PEBP4: variants seen among roughly 807,000 people sequenced by gnomAD.
The protein encoded by PEBP4 is phosphatidylethanolamine binding protein 4, also known as phosphatidylethanolamine-binding protein 4.
PEBP4 carries 22 observed loss-of-function variants against 23.9 expected under a neutral mutation model. The ratio of observed to expected loss-of-function variants is 0.92; its 90% CI spans 0.66 to 1.31. PEBP4 has a LOEUF of 1.31. Ranked by LOEUF, PEBP4 falls within the 40% of genes most tolerant of loss-of-function variation. The pLI is 0.00. For missense variants in PEBP4, 324 were observed against 281.7 expected (o/e 1.15, Z -1.07); for synonymous variants, 112 against 99.3 (o/e 1.13, Z -0.76).
At chr8:22,778,841 G>A (rs558892713) in intron 4 of PEBP4, among the ~76,000 whole-genome samples, 9 of 152,168 alleles carry the variant, frequency 5.9e-5, no homozygotes, top group Non-Finnish European at 1.3e-4. Flanking sequence ...ATTTTTCGGG[G>A]TAAGTAAAGT....
At chr8:22,785,595 G>T (rs1806011751) in intron 4 of PEBP4, among the ~76,000 whole-genome samples, 1 of 152,244 alleles carries the variant, frequency 6.6e-6, no homozygotes, top group African/African-American at 2.4e-5. Flanking sequence ...CAAGCCCAGA[G>T]AGGGAGGCAG....
At chr8:22,722,905 T>C (rs1392436580) in intron 6 of PEBP4, among the ~76,000 whole-genome samples, 1 of 151,716 alleles carries the variant, frequency 6.6e-6, no homozygotes, top group African/African-American at 2.4e-5. Context: ...CCGGAGTAGC[T>C]GGGACTATAG....
intron 4 of PEBP4, among the ~76,000 whole-genome samples, chr8:22,743,920 C>T (rs1805054284): frequency 6.6e-6 from 1 of 152,178 alleles, no homozygotes; most frequent in African/African-American, 2.4e-5. Context: ...CTTGTGAGGT[C>T]TCCCTGCTCA....
At chr8:22,743,396 G>A (rs1275759481) in intron 4 of PEBP4, among the ~76,000 whole-genome samples, 1 of 152,224 alleles carries the variant, frequency 6.6e-6, no homozygotes. Context: ...ATGAATATCT[G>A]TGTACTCATA....
chr8:22,782,763 C>T lies in PEBP4; in HGVS notation c.357+34874G>A, dbSNP rs976040550. On this transcript the variant is annotated intron_variant, in intron 4 of 6. Transcript: ENST00000256404. The stretch of plus-strand genomic sequence containing the variant: ...TCTGATCCTCCAGGAGGTTAAGGAC[C>T]GTTTTATCAGCAGCTGGCCCAGGTT... Among the ~76,000 whole-genome samples the T allele has an allele frequency of 5.9e-5, 9 of 152,242 alleles. No homozygotes were observed. In the South Asian group the frequency reaches 8.3e-4, roughly 14 times the overall value.
chr8:22,798,706 ATTTT>A (rs869151072), intron 4 of PEBP4: 1 of 103,386 alleles, frequency 9.7e-6, no homozygotes, highest in African/African-American at 3.6e-5. Flanking sequence ...ATGTCCATAA[ATTTT>A]TTTTTCTTTT....
intron 3 of PEBP4, among the ~76,000 whole-genome samples, chr8:22,841,153 GACTGAGTA>G (rs1053780230): frequency 1.3e-5 from 2 of 152,238 alleles, no homozygotes; most frequent in Non-Finnish European, 2.9e-5. Flanking sequence ...TTAGGGAGAA[GACTGAGTA>G]ACTTGCCCAA....
At chr8:22,874,481 C>A (rs1204018382) in intron 3 of PEBP4, among the ~76,000 whole-genome samples, 1 of 152,104 alleles carries the variant, frequency 6.6e-6, no homozygotes, top group Non-Finnish European at 1.5e-5. Flanking sequence ...GTCCTCAAAC[C>A]CTCCCCGCTA....
chr8:22,875,878 A>G (rs576523869), intron 3 of PEBP4, among the ~76,000 whole-genome samples: 2 of 152,122 alleles, frequency 1.3e-5, no homozygotes, highest in African/African-American at 4.8e-5. Flanking sequence ...CTAGATTTAG[A>G]ATTTTTAGCT....
At chr8:22,918,342 G>A (rs10503722) in intron 3 of PEBP4, among the ~76,000 whole-genome samples, 19,808 of 152,168 alleles carry the variant, frequency 0.13, 1,712 homozygotes, top group Non-Finnish European at 0.2. Flanking sequence ...ACAGCTCTGT[G>A]TTCCTCATAA....
chr8:22,727,167 T>C lies in PEBP4; in HGVS notation c.403+8A>G. The C allele has an allele frequency of 1.2e-6, 2 of 1,613,942 alleles. No individual in the cohort carries two copies. The highest frequency in any genetic ancestry group is 2.2e-5 in the South Asian group (2 of 91,010). ...GCTGGGGGAAGGGGTCCCTAGGGTC[T>C]TACTCACCTGATAACTCCTGGCCCT... On this transcript the variant is annotated splice_region_variant and intron_variant, in intron 5 of 6. Coordinates refer to ENST00000256404, the MANE Select transcript of PEBP4 (RefSeq NM_144962.3).
At chr8:22,843,879 A>T (rs1035520675) in intron 3 of PEBP4, among the ~76,000 whole-genome samples, 4 of 152,156 alleles carry the variant, frequency 2.6e-5, no homozygotes, top group African/African-American at 9.7e-5. Flanking sequence ...CGCTCCTCTC[A>T]TCTCTCCTCT....
chr8:22,892,983 C>T (rs1808523482), intron 3 of PEBP4, among the ~76,000 whole-genome samples: 1 of 152,164 alleles, frequency 6.6e-6, no homozygotes, highest in African/African-American at 2.4e-5. Flanking sequence ...AAGGCAGAGG[C>T]AGCTGTGCGG....
At chr8:22,886,327 C>G (rs1016731469) in intron 3 of PEBP4, 14 of 152,212 alleles carry the variant, frequency 9.2e-5, no homozygotes, top group Non-Finnish European at 1.6e-4. Flanking sequence ...ATTCAACACA[C>G]CTCACAGCCA....
chr8:22,877,117 T>C (rs567459955), intron 3 of PEBP4, among the ~76,000 whole-genome samples: 1 of 152,280 alleles, frequency 6.6e-6, no homozygotes, highest in South Asian at 2.1e-4. Flanking sequence ...GTTTTGGTCT[T>C]TTCTTTCCTC....
At chr8:22,823,479 A>G (rs1348404609) in intron 3 of PEBP4, among the ~76,000 whole-genome samples, 2 of 151,904 alleles carry the variant, frequency 1.3e-5, no homozygotes, top group Admixed American at 1.3e-4. Flanking sequence ...AGTATGTGAA[A>G]TAAGTAAGTT....
intron 4 of PEBP4, among the ~76,000 whole-genome samples, chr8:22,766,477 G>A (rs1432809844): frequency 1.3e-5 from 2 of 152,248 alleles, no homozygotes; most frequent in East Asian, 3.8e-4. Context: ...TGCATGGTAT[G>A]AAATTTCTGA....
intron 4 of PEBP4, among the ~76,000 whole-genome samples, chr8:22,770,252 C>G (rs764024511): frequency 3.3e-5 from 5 of 152,210 alleles, no homozygotes; most frequent in Admixed American, 1.3e-4. Flanking sequence ...CAGCAAGGAG[C>G]AGTCAACAGC....
chr8:22,757,582 G>C (rs1208050613), intron 4 of PEBP4: 1 of 152,138 alleles, frequency 6.6e-6, no homozygotes, highest in African/African-American at 2.4e-5. Context: ...GCCCACCCTG[G>C]GTCATCCAGC....
Sources: allele counts gnomAD v4.1 joint callset (sites outside exome capture counted in the v4.1 genomes callset), GRCh38; gene constraint gnomAD v4.1.1; transcripts MANE v1.5; gene names NCBI Gene and HGNC (gene_info 2026-07-23, HGNC 2026-07-21).